The following LAMB4 variants were observed in gnomAD, a reference collection of about 807,000 sequenced individuals.
The protein encoded by LAMB4 is laminin subunit beta 4, also known as laminin subunit beta-4.
A neutral mutation model predicts 199.2 loss-of-function variants in LAMB4; 196 were observed. The observed-to-expected ratio is 0.98, with a 90% CI of 0.88 to 1.11. The LOEUF is 1.11. LAMB4 is among the 50% of genes least tolerant of loss of function. The probability of loss-of-function intolerance (pLI) is 0.00; values close to 1 mark genes in which losing one functional copy is unlikely to be tolerated. For missense variants in LAMB4, 2,080 were observed against 2,171.2 expected (o/e 0.96, Z 0.83); for synonymous variants, 744 against 770.6 (o/e 0.97, Z 0.57).
chr7:108,021,151 C>A (rs1330542391), downstream of LAMB4, among the ~76,000 whole-genome samples: 2 of 152,080 alleles, frequency 1.3e-5, no homozygotes, highest in Admixed American at 1.3e-4. Flanking sequence ...ATTTTTATCT[C>A]CCTTTCCTCC....
chr7:108,109,283 G>A, intron 4 of LAMB4, 39 bp from the exon 5 acceptor site: 1 of 1,412,252 alleles, frequency 7.1e-7, no homozygotes, highest in Non-Finnish European at 1.0e-6. Context: ...CAGTGATTTT[G>A]AGAGACTTCT....
intron 23 of LAMB4, among the ~76,000 whole-genome samples, chr7:108,058,387 C>CT (rs148928542): frequency 1.2e-4 from 19 of 152,184 alleles, no homozygotes; most frequent in South Asian, 1.0e-3. Flanking sequence ...AAAAAAACAT[C>CT]TTTTTTTTGT....
At position 108,106,507 on chromosome 7, in the gene LAMB4, A is replaced by G. The variant is rs749656537; in HGVS notation, c.655+2T>C. On this transcript the variant is annotated splice_donor_variant, in intron 7 of 33. Transcript: ENST00000388781. LOFTEE classifies it high-confidence loss of function. ...ATATGAAAAATATAAAGGAATTCATACCTTGGATGTAGGGGCTATAAGGGT... is the reference window on the plus strand; with the variant it reads ...ATATGAAAAATATAAAGGAATTCATGCCTTGGATGTAGGGGCTATAAGGGT... 25 of 1,540,120 alleles carry G rather than the reference A, an allele frequency of 1.6e-5. No individual in the cohort carries two copies. The highest frequency in any genetic ancestry group is 1.9e-5 in the Non-Finnish European group (21 of 1,123,450).
chr7:108,069,336 C>T (rs373538312), intron 18 of LAMB4, among the ~76,000 whole-genome samples: 14 of 152,268 alleles, frequency 9.2e-5, no homozygotes, highest in East Asian at 5.8e-4. Flanking sequence ...GGAGAAAAGC[C>T]CTTCCATAGC....
In LAMB4 at chr7:108,103,053, CGTAGGGATCT is replaced by C; in HGVS notation, c.1161_1170del (p.Asp388ArgfsTer19). ...AGACCCGGGGACTCACGAATGCACG[CGTAGGGATCT>C]GAGATGGTCTTGAGCGGGTCCCTGT... On this transcript the variant is annotated frameshift_variant, in exon 10 of 34. Transcript: ENST00000388781. LOFTEE classifies it high-confidence loss of function. 3 of 1,590,068 alleles carry C rather than the reference CGTAGGGATCT, an allele frequency of 1.9e-6. No individual in the cohort carries two copies. Among genetic ancestry groups the C allele is most frequent in the Non-Finnish European group, 2.6e-6 (3 of 1,162,240 alleles).
intron 23 of LAMB4, among the ~76,000 whole-genome samples, chr7:108,058,952 G>T (rs2036073087): frequency 6.6e-6 from 1 of 152,026 alleles, no homozygotes; most frequent in South Asian, 2.1e-4. Flanking sequence ...GCCTGGATCT[G>T]CCACGTTTCA....
chr7:108,130,030 T>A (rs558972283), intron 1 of LAMB4, among the ~76,000 whole-genome samples: 1 of 152,208 alleles, frequency 6.6e-6, no homozygotes, highest in Non-Finnish European at 1.5e-5. Context: ...CAACACTACA[T>A]CATTTGAAGC....
At chr7:108,011,713 TC>T in the LAMB4 span, among the ~76,000 whole-genome samples, 5 of 78,428 alleles carry the variant, frequency 6.4e-5, no homozygotes, top group Admixed American at 2.2e-4. Flanking sequence ...GCCACTGCAC[TC>T]GGCCCACTCT....
intron 31 of LAMB4, among the ~76,000 whole-genome samples, chr7:108,031,652 T>C (rs1187217274): frequency 6.6e-6 from 1 of 152,182 alleles, no homozygotes; most frequent in Non-Finnish European, 1.5e-5. Context: ...ATTGTATATT[T>C]CTGCAAGTTG....
Position 108,069,786 on chromosome 7 carries a change from T to C in LAMB4, c.2224A>G (p.Met742Val), listed in dbSNP as rs759457189. Residue 742 changes from methionine to valine, a missense_variant, in exon 18 of 34, where the codon ATG becomes GTG. Physicochemically the swap from Met to Val is conservative, Grantham distance 21. Coordinates refer to ENST00000388781, the MANE Select transcript of LAMB4 (RefSeq NM_007356.3). Reference protein sequence around the residue: ...LHNCVEIASAMGPQVLPGACE... With the variant: ...LHNCVEIASAVGPQVLPGACE... ...GCACCCGGGAGCACTTGAGGTCCCA[T>C]TGCTGAGGCAATTTCAACACAGTTG... The C allele has an allele frequency of 9.3e-6, 15 of 1,613,940 alleles. No homozygotes were observed. The highest frequency in any genetic ancestry group is 1.2e-5 in the Non-Finnish European group (14 of 1,179,920).
chr7:108,032,807 T>C (rs2035087467), intron 31 of LAMB4, among the ~76,000 whole-genome samples: 1 of 152,112 alleles, frequency 6.6e-6, no homozygotes, highest in African/African-American at 2.4e-5. Flanking sequence ...TTGCCTCCTG[T>C]GTGGCCTTTG....
At chr7:108,087,529 G>A (rs188751754) in intron 14 of LAMB4, among the ~76,000 whole-genome samples, 1 of 152,328 alleles carries the variant, frequency 6.6e-6, no homozygotes, top group Non-Finnish European at 1.5e-5. Flanking sequence ...GAATAACAAG[G>A]GATGGCTACA....
chr7:108,079,809 A>G (rs2036861527), intron 14 of LAMB4, 23 bp from the exon 15 acceptor site: 2 of 1,544,998 alleles, frequency 1.3e-6, no homozygotes, highest in Non-Finnish European at 1.7e-6. Context: ...AGGAATGTAA[A>G]TAGCTTTGCC....
At chr7:108,129,940 A>C (rs1361167123) in intron 1 of LAMB4, among the ~76,000 whole-genome samples, 1 of 152,250 alleles carries the variant, frequency 6.6e-6, no homozygotes, top group East Asian at 1.9e-4. Context: ...TAATGCATTT[A>C]AACTTTTATA....
At chr7:108,113,556 C>T (rs1364029944) in intron 3 of LAMB4, among the ~76,000 whole-genome samples, 1 of 152,118 alleles carries the variant, frequency 6.6e-6, no homozygotes, top group African/African-American at 2.4e-5. Context: ...TAGGGGTAGG[C>T]CCATCCCAGT....
intron 17 of LAMB4, among the ~76,000 whole-genome samples, chr7:108,073,321 T>A (rs2036596641): frequency 6.6e-6 from 1 of 152,248 alleles, no homozygotes; most frequent in Non-Finnish European, 1.5e-5. Context: ...TAGGATTTTG[T>A]AATGCCATGA....
At chr7:108,074,297 T>C (rs772887405) in intron 17 of LAMB4, among the ~76,000 whole-genome samples, 8 of 152,214 alleles carry the variant, frequency 5.3e-5, no homozygotes, top group Non-Finnish European at 8.8e-5. Context: ...CTTTTATTCA[T>C]ACTTCAGGTT....
At position 108,068,085 on chromosome 7, in the gene LAMB4, G is replaced by C. The variant is rs2036404993; in HGVS notation, c.2377C>G (p.Leu793Val). The change falls in exon 19 of 34, where the codon CTT (leucine) becomes GTT (valine). Residue 793 changes from leucine (L) to valine (V), a missense_variant. By Grantham distance (32) the Leu-to-Val change is conservative (BLOSUM62 1). Transcript: ENST00000388781. ...CTGTCACAGCAGCGCCCGACCACAA[G>C]AGGTTTACACTGGCACTGGCCTCCA... ...RLGGQCQCKPLVVGRCCDRCS... is the reference protein window; with the variant it reads ...RLGGQCQCKPVVVGRCCDRCS... 6.2e-7 allele frequency: 1 copy of C among 1,614,024 alleles called. No individual in the cohort carries two copies. The highest frequency in any genetic ancestry group is 1.7e-5 in the Admixed American group (1 of 59,998).
Position 108,068,126 on chromosome 7 carries a change from G to T in LAMB4, c.2336C>A (p.Ser779Tyr), listed in dbSNP as rs750399576. Residue 779 changes from serine to tyrosine, a missense_variant, in exon 19 of 34, where the codon TCC becomes TAC. Ser to Tyr is a moderately radical substitution (Grantham distance 144). Coordinates refer to ENST00000388781, the MANE Select transcript of LAMB4 (RefSeq NM_007356.3). ...CTGGCCTCCAAGTCGGCTGCAGCTG[G>T]ATCCGACTGAGCCCTGGGGGTGACA... is the stretch of plus-strand genomic sequence containing the variant. ...CKCHPQGSVG[S>Y]SCSRLGGQCQ... The T allele has an allele frequency of 6.2e-7, 1 of 1,614,134 alleles. No homozygotes were observed. The highest frequency in any genetic ancestry group is 8.5e-7 in the Non-Finnish European group (1 of 1,180,006).
Sources: allele counts gnomAD v4.1 joint callset (sites outside exome capture counted in the v4.1 genomes callset), GRCh38; gene constraint gnomAD v4.1.1; transcripts MANE v1.5; gene names NCBI Gene and HGNC (gene_info 2026-07-23, HGNC 2026-07-21).